FAT3: variants seen among roughly 807,000 people sequenced by gnomAD.
FAT3 encodes the protein FAT atypical cadherin 3.
FAT3 carries 95 observed loss-of-function variants against 310.2 expected under a neutral mutation model. The ratio of observed to expected loss-of-function variants is 0.31; its 90% confidence interval spans 0.26 to 0.36. The LOEUF (loss-of-function observed/expected upper bound fraction) is 0.36. Among genes scored for constraint, FAT3 ranks in the 10% least tolerant of loss-of-function variants. The pLI, the probability that FAT3 is intolerant of heterozygous loss-of-function variation, is 1.00. For missense variants in FAT3, 5,408 were observed against 5,715.6 expected, an observed-to-expected ratio of 0.95 and a Z score of 1.74; for synonymous variants, 2,314 against 2,192.9, an observed-to-expected ratio of 1.06 and a Z score of -1.54.
At chr11:92,591,044 A>G (rs925207437) in intron 3 of FAT3, among the ~76,000 whole-genome samples, 4 of 152,188 alleles carry the variant, frequency 2.6e-5, no homozygotes, top group African/African-American at 9.6e-5. Context: ...AATAAAAAAT[A>G]GGGCAAACTA....
chr11:92,383,493 C>T (rs1949548380), intron 2 of FAT3, among the ~76,000 whole-genome samples: 1 of 152,146 alleles, frequency 6.6e-6, no homozygotes. Context: ...TATTTGTTTT[C>T]CCTCCCAGTT....
intron 3 of FAT3, among the ~76,000 whole-genome samples, chr11:92,591,789 T>C (rs959170559): frequency 6.6e-6 from 1 of 152,206 alleles, no homozygotes; most frequent in Admixed American, 6.5e-5. Flanking sequence ...GCTTTTGACA[T>C]ACGAATTGTT....
intron 2 of FAT3, among the ~76,000 whole-genome samples, chr11:92,473,102 C>T (rs929845938): frequency 6.6e-6 from 1 of 152,028 alleles, no homozygotes; most frequent in African/African-American, 2.4e-5. Context: ...GCTCCTGTGC[C>T]TCTGTACATA....
intron 4 of FAT3, among the ~76,000 whole-genome samples, chr11:92,700,423 C>T (rs1944063364): frequency 1.3e-5 from 2 of 152,102 alleles, no homozygotes; most frequent in Middle Eastern, 3.4e-3. Flanking sequence ...GGCGGGCTGC[C>T]CTGCTGGTCA....
At chr11:92,457,090 CA>C (rs1273524269) in intron 2 of FAT3, among the ~76,000 whole-genome samples, 1 of 151,960 alleles carries the variant, frequency 6.6e-6, no homozygotes, top group Non-Finnish European at 1.5e-5. Context: ...CAAGGTAAGC[CA>C]AAAAGGGCCT....
chr11:92,280,204 T>C (rs758970824), intron 1 of FAT3, among the ~76,000 whole-genome samples: 38 of 152,166 alleles, frequency 2.5e-4, no homozygotes, highest in African/African-American at 9.2e-4. Context: ...CTGAGGTACT[T>C]TGACTCTCTG....
intron 7 of FAT3, among the ~76,000 whole-genome samples, chr11:92,782,051 T>C (rs1281031020): frequency 6.6e-6 from 1 of 152,112 alleles, no homozygotes; most frequent in Non-Finnish European, 1.5e-5. Context: ...GGCTCACATA[T>C]GAATCCCAAC....
intron 1 of FAT3, among the ~76,000 whole-genome samples, chr11:92,301,432 G>A (rs564350842): frequency 2.4e-4 from 36 of 152,224 alleles, no homozygotes; most frequent in African/African-American, 8.7e-4. Context: ...TTCCTCTGTA[G>A]GATCTGCTGC....
At chr11:92,771,780 A>G (rs2136110552) in intron 6 of FAT3, among the ~76,000 whole-genome samples, 1 of 152,160 alleles carries the variant, frequency 6.6e-6, no homozygotes, top group East Asian at 1.9e-4. Context: ...AAAAAAACAT[A>G]AAATTAGCCA....
chr11:92,267,877 T>C (rs1219202954), intron 1 of FAT3, among the ~76,000 whole-genome samples: 1 of 152,096 alleles, frequency 6.6e-6, no homozygotes, highest in Non-Finnish European at 1.5e-5. Flanking sequence ...TGACATGTAT[T>C]AACACTTATT....
chr11:92,610,635 G>A (rs1182906752), intron 3 of FAT3, among the ~76,000 whole-genome samples: 1 of 152,042 alleles, frequency 6.6e-6, no homozygotes, highest in Admixed American at 6.5e-5. Flanking sequence ...GCTTTCTCTG[G>A]CATCTCAGAT....
rs995159505 is a variant in FAT3 at position 92,892,790 on chromosome 11, A to T, written c.*1677A>T. On this transcript the variant is annotated 3_prime_UTR_variant, in exon 28 of 28. Coordinates refer to ENST00000525166, the MANE Select transcript of FAT3 (RefSeq NM_001367949.2). ...CTGTTTTAAAAGTGTGTAATGTTTG[A>T]TTACACCCTGGGATTCCCTTCTCAT... 7.2e-5 allele frequency: 11 copies of T among 152,188 alleles called. No individual in the cohort carries two copies. The highest frequency in any genetic ancestry group is 4.6e-4 in the Admixed American group (7 of 15,280). The allele number at this position is 152,188 out of a possible 1,614,324, so 9.4% of individuals were successfully genotyped here.
chr11:92,239,841 T>G lies in FAT3; in HGVS notation c.-18+14667T>G, dbSNP rs1020421392. Among the ~76,000 whole-genome samples, 4 of 152,250 alleles carry G rather than the reference T, an allele frequency of 2.6e-5. No homozygotes were observed. The East Asian group carries it at 7.7e-4, about 29-fold the overall frequency. On this transcript the variant is annotated intron_variant, in intron 1 of 27. Transcript: ENST00000525166. ...AAGAGTCTTTGAATCACAATTACCC[T>G]CTGGCTTTGGACCCAGCTTTTCTTG...
At chr11:92,398,945 G>T (rs138069309) in intron 2 of FAT3, among the ~76,000 whole-genome samples, 1 of 152,244 alleles carries the variant, frequency 6.6e-6, no homozygotes, top group Non-Finnish European at 1.5e-5. Flanking sequence ...TAGTGAGAAT[G>T]AAGGAGAAAT....
intron 3 of FAT3, among the ~76,000 whole-genome samples, chr11:92,645,156 A>G (rs1942103361): frequency 6.6e-6 from 1 of 152,266 alleles, no homozygotes; most frequent in Non-Finnish European, 1.5e-5. Context: ...GATAAAAAAC[A>G]TAATTGCAGT....
chr11:92,525,618 A>C (rs930425087), intron 3 of FAT3, among the ~76,000 whole-genome samples: 2 of 152,204 alleles, frequency 1.3e-5, no homozygotes, highest in Non-Finnish European at 2.9e-5. Context: ...AGTTTTTTGC[A>C]GATCTGAGAG....
chr11:92,772,294 G>C (rs1039932021), intron 6 of FAT3, among the ~76,000 whole-genome samples: 9 of 152,168 alleles, frequency 5.9e-5, no homozygotes, highest in African/African-American at 1.7e-4. Flanking sequence ...GCAATTTTAT[G>C]TCCTTTCTTT....
chr11:92,295,380 A>G (rs1946823457), intron 1 of FAT3, among the ~76,000 whole-genome samples: 1 of 152,156 alleles, frequency 6.6e-6, no homozygotes, highest in Non-Finnish European at 1.5e-5. Context: ...GGGAGTCACC[A>G]TGGACTTTGG....
chr11:92,256,151 C>G (rs986512437), intron 1 of FAT3, among the ~76,000 whole-genome samples: 4 of 151,896 alleles, frequency 2.6e-5, no homozygotes, highest in Admixed American at 1.3e-4. Context: ...TTTTTTTCAG[C>G]TCTCCTTTTA....
Sources: gnomAD v4.1 joint callset for allele counts (sites outside exome capture counted in the v4.1 genomes callset) on GRCh38, gnomAD v4.1.1 for gene constraint, MANE v1.5 for transcripts, NCBI Gene and HGNC (gene_info 2026-07-23, HGNC 2026-07-21) for gene names.